The following LRCH1 variants were observed in gnomAD, a reference collection of about 807,000 sequenced individuals.
The protein encoded by LRCH1 is leucine rich repeats and calponin homology domain containing 1, also known as leucine-rich repeat and calponin homology domain-containing protein 1.
A neutral mutation model predicts 94.9 loss-of-function variants in LRCH1; 23 were observed. That is an observed-to-expected ratio of 0.24 (90% CI 0.17 to 0.34). The LOEUF (loss-of-function observed/expected upper bound fraction) is 0.34. LRCH1 is among the 10% of genes least tolerant of loss of function. The pLI is 1.00. For missense variants in LRCH1, 790 were observed against 945.9 expected, an observed-to-expected ratio of 0.84 and a Z score of 2.16; for synonymous variants, 364 against 354.9, an observed-to-expected ratio of 1.03 and a Z score of -0.29.
chr13:46,669,097 A>G lies in LRCH1; in HGVS notation c.520A>G (p.Asn174Asp). 2.5e-6 allele frequency: 4 copies of G among 1,614,190 alleles called. No individual in the cohort carries two copies. Among genetic ancestry groups the G allele is most frequent in the South Asian group, 2.2e-5 (2 of 91,082 alleles). The change falls in exon 3 of 20, where the codon AAC becomes GAC. Residue 174 changes from asparagine to aspartate, a missense_variant. This residue lies in a region of LRCH1 where 194 missense variants were observed against 293.5 expected (regional missense o/e 0.66). Coordinates refer to ENST00000389797, the MANE Select transcript of LRCH1 (RefSeq NM_001164211.2). ...GLPLKVLIAS[N>D]NKLGSLPEEI... ...GCCTCTCAAAGTCTTAATCGCAAGTAACAACAAACTTGGATCATTACCAGA... is the reference window on the plus strand; with the variant it reads ...GCCTCTCAAAGTCTTAATCGCAAGTGACAACAAACTTGGATCATTACCAGA...
chr13:46,751,073 G>C (rs918470449), exon 19 of LRCH1: 1 of 152,832 alleles, frequency 6.5e-6, no homozygotes, highest in Non-Finnish European at 1.5e-5. Flanking sequence ...CAAATTTTTC[G>C]AGAGGTTTCT....
At chr13:46,635,000 C>T (rs2051066203) in intron 1 of LRCH1, among the ~76,000 whole-genome samples, 1 of 152,174 alleles carries the variant, frequency 6.6e-6, no homozygotes, top group African/African-American at 2.4e-5. Flanking sequence ...GAATATAAAC[C>T]AGTAGTTTTG....
At position 46,553,612 on chromosome 13, in the gene LRCH1, C is replaced by T. The variant is rs763863101; in HGVS notation, c.216C>T (p.Asn72=). 3 of 1,572,262 alleles carry T rather than the reference C, an allele frequency of 1.9e-6. No homozygotes were observed. Among genetic ancestry groups the T allele is most frequent in the South Asian group, 1.2e-5 (1 of 85,736 alleles). ...GLERALEEAA[N]SGGLNLSARK... ...AGCGCGCGCTTGAGGAGGCGGCCAA[C>T]TCCGGGGGGCTGAACCTGAGCGCCA... Residue 72 remains asparagine (N), a synonymous_variant, in exon 1 of 20, where the codon AAC becomes AAT. Transcript: ENST00000389797.
Position 46,691,124 on chromosome 13 carries a change from A to G in LRCH1, c.1015-1412A>G, listed in dbSNP as rs149991257. On this transcript the variant is annotated intron_variant, in intron 7 of 19. Transcript: ENST00000389797. The stretch of plus-strand genomic sequence containing the variant: ...AGACTCTGAAAACCATACCTCAAGA[A>G]CTTAGGAGCAAGCCACAATCTCCTG... Among the ~76,000 whole-genome samples, 43 of 152,352 alleles carry G rather than the reference A, an allele frequency of 2.8e-4. 1 individual carries two copies. The highest frequency in any genetic ancestry group is 9.6e-4 in the African/African-American group (40 of 41,576).
At position 46,599,960 on chromosome 13, in the gene LRCH1, C is replaced by T. The variant is rs142966298; in HGVS notation, c.307+46257C>T. ...AAAACTAAAGGTATTTGGCCATGTGCGGTGGCTCACGCCACCGATCTTAAT... is the reference window on the plus strand; with the variant it reads ...AAAACTAAAGGTATTTGGCCATGTGTGGTGGCTCACGCCACCGATCTTAAT... On this transcript the variant is annotated intron_variant, in intron 1 of 19. Coordinates refer to ENST00000389797, the MANE Select transcript of LRCH1 (RefSeq NM_001164211.2). Among the ~76,000 whole-genome samples, 16 of 152,326 alleles carry T rather than the reference C, an allele frequency of 1.1e-4. No individual in the cohort carries two copies. The East Asian group carries it at 1.5e-3, about 15-fold the overall frequency.
intron 15 of LRCH1, among the ~76,000 whole-genome samples, chr13:46,714,390 A>G (rs1463101297): frequency 6.6e-6 from 1 of 152,172 alleles, no homozygotes; most frequent in Non-Finnish European, 1.5e-5. Flanking sequence ...TGTATTTTTC[A>G]CATTTTCTGG....
At chr13:46,737,217 A>C (rs1251847629) in intron 19 of LRCH1, among the ~76,000 whole-genome samples, 1 of 152,070 alleles carries the variant, frequency 6.6e-6, no homozygotes, top group Non-Finnish European at 1.5e-5. Context: ...TTCACTGAAT[A>C]AATAGTAAAG....
chr13:46,718,810 C>T (rs974285658), intron 16 of LRCH1, among the ~76,000 whole-genome samples: 1 of 152,084 alleles, frequency 6.6e-6, no homozygotes, highest in African/African-American at 2.4e-5. Flanking sequence ...TCTTAACTTC[C>T]AAGGAGAAGT....
intron 1 of LRCH1, among the ~76,000 whole-genome samples, chr13:46,601,433 T>C (rs79433536): frequency 9.2e-4 from 140 of 152,276 alleles, no homozygotes; most frequent in African/African-American, 3.3e-3. Flanking sequence ...AAAGATAAGA[T>C]TATAAGTTTT....
intron 13 of LRCH1, among the ~76,000 whole-genome samples, chr13:46,706,488 C>G (rs1223480909): frequency 6.6e-6 from 1 of 152,126 alleles, no homozygotes; most frequent in Non-Finnish European, 1.5e-5. Flanking sequence ...TTTGCAGTCT[C>G]CCCTGGACCA....
chr13:46,701,824 G>A (rs760402745), intron 11 of LRCH1, among the ~76,000 whole-genome samples: 19 of 152,110 alleles, frequency 1.2e-4, no homozygotes, highest in African/African-American at 4.1e-4. Context: ...ATCATGTATC[G>A]GGTAATAACT....
intron 4 of LRCH1, among the ~76,000 whole-genome samples, chr13:46,683,115 G>A (rs1023811878): frequency 5.3e-5 from 8 of 152,186 alleles, no homozygotes; most frequent in African/African-American, 1.7e-4. Context: ...GCAAAACCCT[G>A]TAGTACTTGG....
At chr13:46,657,495 C>CTTTTTTTTTTTTTTTTTTTTTTTTTTA (rs1429837361) in intron 2 of LRCH1, among the ~76,000 whole-genome samples, 1 of 16,814 alleles carries the variant, frequency 5.9e-5, no homozygotes, top group Non-Finnish European at 1.2e-4. Flanking sequence ...TTTTTCTTTT[C>CTTTTTTTTTTTTTTTTTTTTTTTTTTA]TTTTCTTTTT....
intron 11 of LRCH1, among the ~76,000 whole-genome samples, chr13:46,703,323 A>C (rs1038471096): frequency 6.6e-6 from 1 of 152,244 alleles, no homozygotes; most frequent in South Asian, 2.1e-4. Context: ...CCATCAGTTA[A>C]CTTGGGTAAG....
intron 3 of LRCH1, among the ~76,000 whole-genome samples, chr13:46,671,807 G>A (rs2051604030): frequency 6.6e-6 from 1 of 152,132 alleles, no homozygotes; most frequent in South Asian, 2.1e-4. Context: ...TTGAGAGGAA[G>A]GTACAAAGAT....
At chr13:46,622,823 T>G (rs947454989) in intron 1 of LRCH1, among the ~76,000 whole-genome samples, 5 of 152,264 alleles carry the variant, frequency 3.3e-5, no homozygotes, top group African/African-American at 1.2e-4. Context: ...AGCACTGTGA[T>G]AAAGTTGGCT....
intron 1 of LRCH1, among the ~76,000 whole-genome samples, chr13:46,641,677 C>T (rs530825217): frequency 6.6e-6 from 1 of 152,156 alleles, no homozygotes; most frequent in Non-Finnish European, 1.5e-5. Context: ...CTCGATGGCT[C>T]TGGTGGCTGA....
intron 2 of LRCH1, among the ~76,000 whole-genome samples, chr13:46,659,473 G>A (rs550325663): frequency 4.0e-4 from 61 of 152,214 alleles, no homozygotes; most frequent in Admixed American, 3.2e-3. Flanking sequence ...GACTGTAAGC[G>A]TGAGCCACTG....
At chr13:46,684,659 G>A (rs551881953) in intron 4 of LRCH1, among the ~76,000 whole-genome samples, 1 of 152,300 alleles carries the variant, frequency 6.6e-6, no homozygotes, top group East Asian at 1.9e-4. Flanking sequence ...CAAACAAGCT[G>A]TGAGGTGAAA....
Sources: gnomAD v4.1 joint callset for allele counts (sites outside exome capture counted in the v4.1 genomes callset) on GRCh38, gnomAD v4.1.1 for gene constraint, gnomAD v4.1.1 regional missense constraint, MANE v1.5 for transcripts, NCBI Gene and HGNC (gene_info 2026-07-23, HGNC 2026-07-21) for gene names.